Variants in SLAIN2 observed in about 807,000 individuals in gnomAD.
SLAIN2 encodes SLAIN family member 2.
A neutral mutation model predicts 56.6 loss-of-function variants in SLAIN2; 31 were observed. That is an observed-to-expected ratio of 0.55 (90% CI 0.41 to 0.74). The LOEUF (loss-of-function observed/expected upper bound fraction) is 0.74, where lower values mean the gene tolerates loss of function less well. Ranked by LOEUF, SLAIN2 falls within the 30% of genes least tolerant of loss-of-function variation. SLAIN2 has a pLI of 0.00. For synonymous variants in SLAIN2, 317 were observed against 284.9 expected (o/e 1.11, Z -1.13); for missense variants, 777 against 754.2 (o/e 1.03, Z -0.35).
intron 6 of SLAIN2, among the ~76,000 whole-genome samples, chr4:48,409,849 A>T (rs1245030614): frequency 6.6e-6 from 1 of 152,086 alleles, no homozygotes; most frequent in African/African-American, 2.4e-5. Context: ...GTGCCATTGC[A>T]CTCCAGCCTA....
At position 48,423,947 on chromosome 4, in the gene SLAIN2, A is replaced by G. The variant is rs1717230124; in HGVS notation, c.*1870A>G. ...GAAGTAGCTACTGTCTCTTTTAAAA[A>G]CCACGTACAAAACAGAACAAGTCTC... On this transcript the variant is annotated 3_prime_UTR_variant, in exon 8 of 8. Transcript: ENST00000264313. 6.6e-6 allele frequency: 1 copy of G among 152,196 alleles called. No individual in the cohort carries two copies. The highest frequency in any genetic ancestry group is 1.5e-5 in the Non-Finnish European group (1 of 68,032). 9.4% of individuals were successfully genotyped at this position (152,196 alleles called of 1,614,324 possible).
At chr4:48,343,106 C>A (rs1464425751) in intron 1 of SLAIN2, among the ~76,000 whole-genome samples, 4 of 152,192 alleles carry the variant, frequency 2.6e-5, no homozygotes, top group Non-Finnish European at 5.9e-5. Context: ...ATTAAAACTT[C>A]TAACAGTGAA....
intron 1 of SLAIN2, among the ~76,000 whole-genome samples, chr4:48,348,293 G>A (rs1714924033): frequency 6.6e-6 from 1 of 152,168 alleles, no homozygotes; most frequent in Non-Finnish European, 1.5e-5. Context: ...ACTGCTGAAT[G>A]CTCCTGTGGC....
chr4:48,400,035 GTC>G (rs1357719783), intron 6 of SLAIN2, among the ~76,000 whole-genome samples: 1 of 152,048 alleles, frequency 6.6e-6, no homozygotes, highest in African/African-American at 2.4e-5. Flanking sequence ...TTAGAGAGGA[GTC>G]TCTCCTTTTC....
At chr4:48,404,710 GCTTT>G (rs1716649738) in intron 6 of SLAIN2, among the ~76,000 whole-genome samples, 1 of 152,098 alleles carries the variant, frequency 6.6e-6, no homozygotes. Flanking sequence ...TGTTTTTATG[GCTTT>G]CTAAGGCCTT....
chr4:48,424,369 A>T lies in SLAIN2; in HGVS notation c.*2292A>T, dbSNP rs535224677. On this transcript the variant is annotated 3_prime_UTR_variant, in exon 8 of 8. Transcript: ENST00000264313. ...GTCTTACAGAAGAAATGTGGATTTGATAAACTAGTGCCTATGATTTTAACT... is the reference window on the plus strand; with the variant it reads ...GTCTTACAGAAGAAATGTGGATTTGTTAAACTAGTGCCTATGATTTTAACT... 26 of 152,304 alleles carry T rather than the reference A, an allele frequency of 1.7e-4. No homozygotes were observed. Among genetic ancestry groups the T allele is most frequent in the South Asian group, 6.2e-4 (3 of 4,828 alleles). The allele number at this position is 152,304 out of a possible 1,614,324, so 9.4% of individuals were successfully genotyped here.
intron 1 of SLAIN2, among the ~76,000 whole-genome samples, chr4:48,344,927 A>C (rs1037325893): frequency 2.0e-5 from 3 of 152,226 alleles, no homozygotes; most frequent in African/African-American, 7.2e-5. Flanking sequence ...CTCACTTGAA[A>C]AACACTGTTT....
intron 6 of SLAIN2, among the ~76,000 whole-genome samples, chr4:48,394,061 CAT>C (rs994821044): frequency 1.4e-4 from 21 of 152,156 alleles, no homozygotes; most frequent in Non-Finnish European, 2.2e-4. Context: ...TGATATTGAA[CAT>C]ATTAAAGTTA....
chr4:48,379,342 T>C (rs1360244738), intron 3 of SLAIN2, among the ~76,000 whole-genome samples: 1 of 152,194 alleles, frequency 6.6e-6, no homozygotes, highest in Non-Finnish European at 1.5e-5. Context: ...CTCATCTATT[T>C]ATAGAGCAGT....
chr4:48,395,084 A>AAG lies in SLAIN2; in HGVS notation c.1360+11301_1360+11302dup, dbSNP rs58294821. 1.7e-3 allele frequency among the ~76,000 whole-genome samples: 257 copies of AAG among 152,296 alleles called. 1 individual carries two copies. The highest frequency in any genetic ancestry group is 5.9e-3 in the African/African-American group (247 of 41,572). ...TAGAAGGTAGTTGAAGTTAAATCACAAGTTGTGGTTGATTGATAGGTCTGG... is the reference window on the plus strand; with the variant it reads ...TAGAAGGTAGTTGAAGTTAAATCACAAGAGTTGTGGTTGATTGATAGGTCTGG... On this transcript the variant is annotated intron_variant, in intron 6 of 7. Coordinates refer to ENST00000264313, the MANE Select transcript of SLAIN2 (RefSeq NM_020846.2).
intron 6 of SLAIN2, among the ~76,000 whole-genome samples, chr4:48,401,206 A>G (rs1318675775): frequency 2.0e-5 from 3 of 152,168 alleles, no homozygotes; most frequent in African/African-American, 4.8e-5. Context: ...TACATGATCA[A>G]TTTTAGAGTA....
chr4:48,377,089 C>T (rs968819692), intron 2 of SLAIN2, among the ~76,000 whole-genome samples: 7 of 151,462 alleles, frequency 4.6e-5, no homozygotes, highest in African/African-American at 1.7e-4. Flanking sequence ...CCCTGTAATC[C>T]CAGCACTTTA....
intron 1 of SLAIN2, among the ~76,000 whole-genome samples, chr4:48,365,474 T>TC (rs1203228499): frequency 1.3e-5 from 2 of 151,572 alleles, no homozygotes; most frequent in African/African-American, 2.4e-5. Context: ...AAGCACTTTT[T>TC]CCCCCTATAC....
At chr4:48,367,548 G>A (rs1577717177) in intron 1 of SLAIN2, among the ~76,000 whole-genome samples, 1 of 152,026 alleles carries the variant, frequency 6.6e-6, no homozygotes, top group Non-Finnish European at 1.5e-5. Flanking sequence ...ATAAGATGGA[G>A]CAATCCTAAA....
At chr4:48,365,663 C>G (rs1463461294) in intron 1 of SLAIN2, among the ~76,000 whole-genome samples, 1 of 151,860 alleles carries the variant, frequency 6.6e-6, no homozygotes, top group Non-Finnish European at 1.5e-5. Context: ...CGGGTTCAAA[C>G]AATTCTGCCT....
At chr4:48,399,403 G>A (rs180986200) in intron 6 of SLAIN2, among the ~76,000 whole-genome samples, 2 of 152,326 alleles carry the variant, frequency 1.3e-5, no homozygotes, top group East Asian at 3.9e-4. Context: ...AAGCTCTTGA[G>A]CTGAAATGAT....
At position 48,373,871 on chromosome 4, in the gene SLAIN2, T is replaced by A. The variant is rs537724131; in HGVS notation, c.538+3874T>A. Among the ~76,000 whole-genome samples, 13 of 152,156 alleles carry A rather than the reference T, an allele frequency of 8.5e-5. No individual in the cohort carries two copies. In the East Asian group the frequency reaches 2.5e-3, roughly 30 times the overall value. Reference sequence around the variant, plus strand: ...GCCTGACCAACATGGAGAAACCCTGTCTCTACTAAAAATACAAAATTAATG... The same window carrying A: ...GCCTGACCAACATGGAGAAACCCTGACTCTACTAAAAATACAAAATTAATG... On this transcript the variant is annotated intron_variant, in intron 2 of 7. Coordinates refer to ENST00000264313, the MANE Select transcript of SLAIN2 (RefSeq NM_020846.2).
intron 6 of SLAIN2, among the ~76,000 whole-genome samples, chr4:48,412,943 T>C (rs1387323370): frequency 1.3e-5 from 2 of 152,058 alleles, no homozygotes; most frequent in Non-Finnish European, 2.9e-5. Context: ...ATAATGACAC[T>C]TTGGCCAGAC....
At chr4:48,412,133 T>TA (rs1262010932) in intron 6 of SLAIN2, among the ~76,000 whole-genome samples, 2 of 152,190 alleles carry the variant, frequency 1.3e-5, no homozygotes, top group African/African-American at 2.4e-5. Context: ...AGGTTAGTTA[T>TA]ATGTTAATTT....
Sources: allele counts gnomAD v4.1 joint callset (sites outside exome capture counted in the v4.1 genomes callset), GRCh38; gene constraint gnomAD v4.1.1; transcripts MANE v1.5; gene names NCBI Gene and HGNC (gene_info 2026-07-23, HGNC 2026-07-21).